GCA: variants seen among roughly 807,000 people sequenced by gnomAD.
The protein encoded by GCA is grancalcin, also known as grancalcin, EF-hand calcium-binding protein.
GCA carries 30 observed loss-of-function variants against 32.6 expected under a neutral mutation model. The ratio of observed to expected loss-of-function variants is 0.92; its 90% CI spans 0.69 to 1.25. The LOEUF (loss-of-function observed/expected upper bound fraction) is 1.25. Among genes scored for constraint, GCA ranks in the 50% most tolerant of loss-of-function variants. GCA has a pLI of 0.00. For synonymous variants in GCA, 102 were observed against 84.6 expected (o/e 1.21, Z -1.13); for missense variants, 291 against 266.8 (o/e 1.09, Z -0.63).
chr2:162,360,284 T>C lies in GCA; in HGVS notation c.*41T>C. The C allele has an allele frequency of 6.3e-7, 1 of 1,578,576 alleles. No homozygotes were observed. Among genetic ancestry groups the C allele is most frequent in the Non-Finnish European group, 8.6e-7 (1 of 1,160,532 alleles). On this transcript the variant is annotated 3_prime_UTR_variant, in exon 8 of 8. Transcript: ENST00000437150. ...AACCTGAAGAGACACTGTGAATTCT[T>C]TTGTTTGGAAGAAGTGAACTGGACT...
At position 162,360,933 on chromosome 2, in the gene GCA, T is replaced by C; in HGVS notation, c.*690T>C. On this transcript the variant is annotated 3_prime_UTR_variant, in exon 8 of 8. Transcript: ENST00000437150. ...TCTTAATAAACATAGTATTTCTCTCTGCGTCCTATTTCATTAGTGAAGACA... is the reference window on the plus strand; with the variant it reads ...TCTTAATAAACATAGTATTTCTCTCCGCGTCCTATTTCATTAGTGAAGACA... 8.7e-7 allele frequency: 1 copy of C among 1,147,796 alleles called. No individual in the cohort carries two copies. The highest frequency in any genetic ancestry group is 1.1e-6 in the Non-Finnish European group (1 of 930,838). The allele number at this position is 1,147,796 out of a possible 1,614,324, so 71.1% of individuals were successfully genotyped here.
At chr2:162,345,131 G>GGTGGTGGTGGTGGTTGTGGTGGTGGTT (rs146219747) in intron 1 of GCA, among the ~76,000 whole-genome samples, 3 of 144,140 alleles carry the variant, frequency 2.1e-5, no homozygotes, top group Non-Finnish European at 4.5e-5. Context: ...TGGTGGTGGT[G>GGTGGTGGTGGTGGTTGTGGTGGTGGTT]GTGGTTGTGG....
chr2:162,351,175 C>T (rs1440790247), intron 2 of GCA, among the ~76,000 whole-genome samples: 1 of 152,166 alleles, frequency 6.6e-6, no homozygotes, highest in Non-Finnish European at 1.5e-5. Flanking sequence ...CATACAGACA[C>T]ATGCATCACA....
At chr2:162,358,081 A>G (rs1040301137) in intron 5 of GCA, among the ~76,000 whole-genome samples, 4 of 151,358 alleles carry the variant, frequency 2.6e-5, no homozygotes, top group African/African-American at 9.7e-5. Context: ...TGCATGTATA[A>G]TTTTCTCCTG....
chr2:162,372,338 A>G (rs567243689), downstream of GCA, among the ~76,000 whole-genome samples: 15 of 152,236 alleles, frequency 9.9e-5, no homozygotes, highest in South Asian at 3.1e-3. Flanking sequence ...TAAAAATCAG[A>G]TTTAAAAAAA....
In GCA at chr2:162,326,131, C is replaced by T. The variant is rs117975688; in HGVS notation, c.-31+6906C>T. ...GTTTGCTGGGCTTGCCCCTTGCAGC[C>T]TTCCCTGAGACAGGAAACAGAAGGG... On this transcript the variant is annotated intron_variant, in intron 1 of 4. Coordinates refer to the GCA transcript ENST00000429691. Among the ~76,000 whole-genome samples the T allele has an allele frequency of 8.1e-4, 124 of 152,288 alleles. 1 individual carries two copies. The East Asian group carries it at 0.023, about 28-fold the overall frequency.
chr2:162,372,009 T>C, downstream of GCA: 1 of 1,613,628 alleles, frequency 6.2e-7, no homozygotes, highest in South Asian at 1.1e-5. Context: ...TCAAGTTGTC[T>C]TCTGAAGCTG....
intron 1 of GCA, among the ~76,000 whole-genome samples, chr2:162,334,941 C>T (rs924943947): frequency 1.8e-4 from 28 of 152,254 alleles, no homozygotes; most frequent in East Asian, 1.2e-3. Context: ...TGTTTTCTCT[C>T]GCTCAGTATT....
chr2:162,344,390 A>C lies in GCA; in HGVS notation c.27+115A>C, dbSNP rs559388510. On this transcript the variant is annotated intron_variant, in intron 1 of 7. Transcript: ENST00000437150. ...CCTGCTCCCTGCGTCCGCGCCTGGT[A>C]CTCGGCGGCGCCGGATTCCGGGGCT... 1.4e-3 allele frequency: 1,441 copies of C among 994,104 alleles called. 9 individuals are homozygous for C. Among genetic ancestry groups the C allele is most frequent in the South Asian group, 0.011 (797 of 69,954 alleles). The allele number at this position is 994,104 out of a possible 1,614,324, so 61.6% of individuals were successfully genotyped here.
intron 2 of GCA, among the ~76,000 whole-genome samples, chr2:162,349,456 T>C (rs990141529): frequency 5.3e-5 from 8 of 152,116 alleles, no homozygotes; most frequent in Admixed American, 2.6e-4. Flanking sequence ...CTTAGAAGAG[T>C]GATGAACTAA....
Position 162,361,470 on chromosome 2 carries a change from A to G in GCA, c.*1227A>G. ...TAACAGTGAGTGACATAATTTTATG[A>G]CTGCTGACCAAATTAATTTATAGAT... On this transcript the variant is annotated 3_prime_UTR_variant, in exon 8 of 8. Coordinates refer to ENST00000437150, the MANE Select transcript of GCA (RefSeq NM_012198.5). 1.0e-6 allele frequency: 1 copy of G among 975,144 alleles called. No homozygotes were observed. Among genetic ancestry groups the G allele is most frequent in the Non-Finnish European group, 1.2e-6 (1 of 820,788 alleles). 60.4% of individuals were successfully genotyped at this position (975,144 alleles called of 1,614,324 possible).
intron 1 of GCA, among the ~76,000 whole-genome samples, chr2:162,336,246 T>C (rs976969532): frequency 6.6e-6 from 1 of 152,200 alleles, no homozygotes; most frequent in East Asian, 1.9e-4. Context: ...TTTTAGGCAA[T>C]GCTTTCCAAG....
At chr2:162,334,156 T>C (rs1684184620) in intron 1 of GCA, among the ~76,000 whole-genome samples, 2 of 152,218 alleles carry the variant, frequency 1.3e-5, no homozygotes. Flanking sequence ...TCACAGATGA[T>C]GTTTCCTCTG....
At chr2:162,372,055 G>T, downstream of GCA, 1 of 1,613,118 alleles carries the variant, frequency 6.2e-7, no homozygotes, top group South Asian at 1.1e-5. Flanking sequence ...GGATTCTTTG[G>T]ATTTAAGTTT....
In GCA at chr2:162,361,884, T is replaced by TA; in HGVS notation, c.*1643dup. 1 of 984,200 alleles carries TA rather than the reference T, an allele frequency of 1.0e-6. No individual in the cohort carries two copies. Among genetic ancestry groups the TA allele is most frequent in the South Asian group, 4.7e-5 (1 of 21,282 alleles). The allele number at this position is 984,200 out of a possible 1,614,324, so 61.0% of individuals were successfully genotyped here. A position where few individuals can be genotyped will look rare whatever the true frequency, so the allele number is the denominator to read the frequency against. ...GGTGATAATGTCGCTCAGCAACCTG[T>TA]AATCTTAACATCCAGGTTATACAGA... is the stretch of plus-strand genomic sequence containing the variant. On this transcript the variant is annotated 3_prime_UTR_variant, in exon 8 of 8. Transcript: ENST00000437150.
chr2:162,335,934 G>A (rs1368331895), intron 1 of GCA, among the ~76,000 whole-genome samples: 2 of 152,098 alleles, frequency 1.3e-5, no homozygotes, highest in South Asian at 2.1e-4. Context: ...AATGAAATCA[G>A]TATTAACAAA....
chr2:162,321,137 A>G (rs1683648374), intron 1 of GCA, among the ~76,000 whole-genome samples: 1 of 152,142 alleles, frequency 6.6e-6, no homozygotes, highest in Non-Finnish European at 1.5e-5. Flanking sequence ...CCAAGACACA[A>G]TCTCTCACAA....
intron 4 of GCA, among the ~76,000 whole-genome samples, chr2:162,370,749 G>T (rs1426341644): frequency 6.6e-6 from 1 of 151,944 alleles, no homozygotes; most frequent in East Asian, 1.9e-4. Context: ...CACATTTTTT[G>T]AAAACTGTGT....
chr2:162,319,197 C>T (rs1330354046), exon 1 of GCA: 1 of 457,020 alleles, frequency 2.2e-6, no homozygotes, highest in Non-Finnish European at 4.4e-6. Context: ...GGTTCCCAAA[C>T]ACTAACTTGT....
Sources: allele counts gnomAD v4.1 joint callset (sites outside exome capture counted in the v4.1 genomes callset), GRCh38; gene constraint gnomAD v4.1.1; transcripts MANE v1.5; gene names NCBI Gene and HGNC (gene_info 2026-07-23, HGNC 2026-07-21).